Variants in ARMH4 observed in about 807,000 individuals in gnomAD.
The protein encoded by ARMH4 is armadillo-like helical domain-containing protein 4.
In ARMH4, 49 loss-of-function variants were observed where a neutral mutation model predicts 61.9. The observed-to-expected ratio is 0.79, with a 90% CI of 0.63 to 1.00. The LOEUF is 1.00. ARMH4 is among the 50% of genes least tolerant of loss of function. The pLI is 0.00. For missense variants in ARMH4, 934 were observed against 930.0 expected, an observed-to-expected ratio of 1.00 and a Z score of -0.06; for synonymous variants, 368 against 341.5, an observed-to-expected ratio of 1.08 and a Z score of -0.85.
chr14:58,110,746 G>T (rs1441628989), intron 4 of ARMH4, among the ~76,000 whole-genome samples: 2 of 151,386 alleles, frequency 1.3e-5, no homozygotes, highest in East Asian at 3.9e-4. Context: ...TTTTTGAGAT[G>T]GAGTCCACTT....
intron 5 of ARMH4, among the ~76,000 whole-genome samples, chr14:58,095,206 T>C (rs1455304225): frequency 1.3e-5 from 2 of 152,186 alleles, no homozygotes; most frequent in African/African-American, 4.8e-5. Context: ...CAACCCTGTC[T>C]CCCTCGCTCC....
At chr14:58,108,559 C>G (rs1886243866) in intron 4 of ARMH4, among the ~76,000 whole-genome samples, 1 of 152,156 alleles carries the variant, frequency 6.6e-6, no homozygotes, top group Admixed American at 6.5e-5. Context: ...TCTTGTTGTA[C>G]AAAACACTAG....
At position 58,039,268 on chromosome 14, in the gene ARMH4, A is replaced by C. The variant is rs543807116; in HGVS notation, c.2090-27118T>G. Reference sequence around the variant, plus strand: ...CTGAGAGCTCTCCCCACCTACTCCTATTCCCTTCTCTTTATCCTTTCCAGG... The same window carrying C: ...CTGAGAGCTCTCCCCACCTACTCCTCTTCCCTTCTCTTTATCCTTTCCAGG... On this transcript the variant is annotated intron_variant, in intron 5 of 7. Coordinates refer to ENST00000267485, the MANE Select transcript of ARMH4 (RefSeq NM_001001872.4). Among the ~76,000 whole-genome samples the C allele has an allele frequency of 2.0e-5, 3 of 152,198 alleles. No individual in the cohort carries two copies. In the South Asian group the frequency reaches 6.2e-4, roughly 32 times the overall value.
intron 5 of ARMH4, among the ~76,000 whole-genome samples, chr14:58,095,344 T>C (rs1205593469): frequency 2.6e-5 from 4 of 152,160 alleles, no homozygotes; most frequent in Non-Finnish European, 5.9e-5. Flanking sequence ...CGTGTAGATT[T>C]GTGTCTGTTT....
In ARMH4 at chr14:58,137,661, G is replaced by A. The variant is rs1167208050; in HGVS notation, c.1369+329C>T. ...AAGCCGCCTGCCTTGGCCTCCCAAA[G>A]TGCTGGAATTACAGGAATTGGGTGT... is the stretch of plus-strand genomic sequence containing the variant. On this transcript the variant is annotated intron_variant, in intron 2 of 7. Coordinates refer to ENST00000267485, the MANE Select transcript of ARMH4 (RefSeq NM_001001872.4). Among the ~76,000 whole-genome samples, 5 of 152,280 alleles carry A rather than the reference G, an allele frequency of 3.3e-5. 1 individual carries two copies. Among genetic ancestry groups the A allele is most frequent in the Admixed American group, 2.6e-4 (4 of 15,298 alleles).
intron 4 of ARMH4, among the ~76,000 whole-genome samples, chr14:58,121,272 C>G (rs923210529): frequency 1.3e-5 from 2 of 152,126 alleles, no homozygotes; most frequent in African/African-American, 4.8e-5. Flanking sequence ...AAAGCTAAAT[C>G]CTTTCATCAT....
chr14:58,068,359 C>T (rs1594736706), intron 5 of ARMH4, among the ~76,000 whole-genome samples: 1 of 152,122 alleles, frequency 6.6e-6, no homozygotes, highest in East Asian at 1.9e-4. Context: ...ATTGCCTACA[C>T]TTGAAAATGT....
chr14:58,060,897 AAC>A (rs1884508235), intron 5 of ARMH4, among the ~76,000 whole-genome samples: 1 of 152,100 alleles, frequency 6.6e-6, no homozygotes, highest in African/African-American at 2.4e-5. Context: ...CGGTGGTCAC[AAC>A]AATAATGCTT....
chr14:58,108,010 G>A (rs189830262), intron 4 of ARMH4, among the ~76,000 whole-genome samples: 1 of 152,140 alleles, frequency 6.6e-6, no homozygotes, highest in Non-Finnish European at 1.5e-5. Flanking sequence ...CACCTATAAA[G>A]TGACTGAAGC....
chr14:58,045,815 G>C (rs1883917490), intron 5 of ARMH4, among the ~76,000 whole-genome samples: 1 of 152,064 alleles, frequency 6.6e-6, no homozygotes, highest in African/African-American at 2.4e-5. Flanking sequence ...AAGATGAAGA[G>C]AGAACAAGAC....
At chr14:58,150,920 C>T (rs1389294054) in intron 1 of ARMH4, among the ~76,000 whole-genome samples, 1 of 152,152 alleles carries the variant, frequency 6.6e-6, no homozygotes, top group Non-Finnish European at 1.5e-5. Context: ...ACTGTAGATG[C>T]TTGGCTAAAA....
At chr14:58,098,271 A>G (rs10148042) in intron 4 of ARMH4, among the ~76,000 whole-genome samples, 1 of 151,844 alleles carries the variant, frequency 6.6e-6, no homozygotes, top group Non-Finnish European at 1.5e-5. Context: ...TTTTATTCTT[A>G]TATGTCCTTT....
intron 4 of ARMH4, among the ~76,000 whole-genome samples, chr14:58,099,784 G>C (rs1885893167): frequency 6.6e-6 from 1 of 152,138 alleles, no homozygotes; most frequent in African/African-American, 2.4e-5. Context: ...AGCTGCGGGA[G>C]AATATCCTGG....
At chr14:58,029,176 A>C (rs1253826924) in intron 5 of ARMH4, among the ~76,000 whole-genome samples, 3 of 151,696 alleles carry the variant, frequency 2.0e-5, no homozygotes, top group African/African-American at 7.3e-5. Context: ...TGGACATTTC[A>C]TATAAGTTGA....
At chr14:58,035,309 TA>T (rs1375137270) in intron 5 of ARMH4, among the ~76,000 whole-genome samples, 1 of 87,900 alleles carries the variant, frequency 1.1e-5, no homozygotes, top group Non-Finnish European at 2.3e-5. Context: ...ACTGGGTACA[TA>T]ACAAAATGAA....
chr14:58,113,493 G>T (rs1258304163), intron 4 of ARMH4, among the ~76,000 whole-genome samples: 1 of 152,082 alleles, frequency 6.6e-6, no homozygotes, highest in African/African-American at 2.4e-5. Context: ...TATCTTGTGT[G>T]ATACATGTGT....
chr14:58,111,679 C>T (rs2141287946), intron 4 of ARMH4, among the ~76,000 whole-genome samples: 1 of 145,502 alleles, frequency 6.9e-6, no homozygotes, highest in Middle Eastern at 3.5e-3. Context: ...GTTCTTCTTC[C>T]TTCTTCTTTT....
Position 58,144,737 on chromosome 14 carries a change from G to A in ARMH4, c.-56-5323C>T, listed in dbSNP as rs183221721. 8.7e-3 allele frequency among the ~76,000 whole-genome samples: 1,326 copies of A among 152,024 alleles called. 20 individuals are homozygous for A. Among genetic ancestry groups the A allele is most frequent in the African/African-American group, 0.03 (1,252 of 41,496 alleles). On this transcript the variant is annotated intron_variant, in intron 1 of 7. Coordinates refer to ENST00000267485, the MANE Select transcript of ARMH4 (RefSeq NM_001001872.4). ...AAAAAAATTAGCCGGGCATGGTGGC[G>A]GGCGCCTGTAGTCCCAGCTACTCGG... is the stretch of plus-strand genomic sequence containing the variant.
At chr14:58,061,069 A>G (rs1884515441) in intron 5 of ARMH4, among the ~76,000 whole-genome samples, 1 of 152,058 alleles carries the variant, frequency 6.6e-6, no homozygotes, top group Non-Finnish European at 1.5e-5. Context: ...GAATAACATC[A>G]CATTCCAGAT....
Sources: allele counts gnomAD v4.1 joint callset (sites outside exome capture counted in the v4.1 genomes callset), GRCh38; gene constraint gnomAD v4.1.1; transcripts MANE v1.5; gene names NCBI Gene and HGNC (gene_info 2026-07-23, HGNC 2026-07-21).